LSS: variants seen among roughly 807,000 people sequenced by gnomAD.
LSS encodes lanosterol synthase.
Under a neutral mutation model 110.3 loss-of-function variants are expected in LSS, and 90 were observed. That is an observed-to-expected ratio of 0.82 (90% CI 0.69 to 0.97). The LOEUF is 0.97. Among genes scored for constraint, LSS ranks in the 50% least tolerant of loss-of-function variants. LSS has a pLI of 0.00. For synonymous variants in LSS, 433 were observed against 400.0 expected (o/e 1.08, Z -0.98); for missense variants, 927 against 990.0 (o/e 0.94, Z 0.85).
chr21:46,227,540 G>C lies in LSS; in HGVS notation c.319+12C>G. The C allele has an allele frequency of 6.2e-7, 1 of 1,613,822 alleles. No homozygotes were observed. The highest frequency in any genetic ancestry group is 8.5e-7 in the Non-Finnish European group (1 of 1,179,880). On this transcript the variant is annotated intron_variant, in intron 3 of 21. Transcript: ENST00000397728. ...GTGGCCATACCATCAGGCTGGGGCA[G>C]CATACTCCTACCTGGCAGGAGGAAA...
chr21:46,204,210 G>A (rs1360047643), intron 17 of LSS, among the ~76,000 whole-genome samples: 1 of 152,092 alleles, frequency 6.6e-6, no homozygotes, highest in Non-Finnish European at 1.5e-5. Context: ...CAGGAGAATC[G>A]CTTGAACCCC....
chr21:46,201,621 A>G (rs1332854663), intron 17 of LSS, among the ~76,000 whole-genome samples: 1 of 152,144 alleles, frequency 6.6e-6, no homozygotes, highest in Non-Finnish European at 1.5e-5. Context: ...CACCCACTAA[A>G]GAATTCTAGT....
intron 17 of LSS, among the ~76,000 whole-genome samples, chr21:46,201,085 G>A (rs2079972580): frequency 6.9e-6 from 1 of 143,984 alleles, no homozygotes; most frequent in Non-Finnish European, 1.5e-5. Flanking sequence ...CACGTGGGAG[G>A]ACAGGTCATG....
intron 10 of LSS, 99 bp downstream of exon 10, chr21:46,213,639 T>A: frequency 1.1e-6 from 1 of 881,484 alleles, no homozygotes; most frequent in Non-Finnish European, 1.9e-6. Flanking sequence ...CTGGCAGTAT[T>A]CCCAGATGGC....
chr21:46,212,860 C>T (rs895795035), intron 11 of LSS, among the ~76,000 whole-genome samples, 165 bp downstream of exon 11: 3 of 152,224 alleles, frequency 2.0e-5, no homozygotes, highest in Non-Finnish European at 4.4e-5. Context: ...CAGAGACCAA[C>T]AGCACCCACA....
At position 46,227,558 on chromosome 21, in the gene LSS, G is replaced by A; in HGVS notation, c.313C>T (p.Leu105=). ...TGDYGGPLFL[L]PGLLITCHVA... is the part of the protein sequence containing the mutation. The stretch of plus-strand genomic sequence containing the variant: ...TGGGGCAGCATACTCCTACCTGGCA[G>A]GAGGAAAAGTGGGCCACCATAATCA... The change falls in exon 3 of 22, where the codon CTG becomes TTG. Residue 105 remains leucine (L), a synonymous_variant. Transcript: ENST00000397728. The A allele has an allele frequency of 6.2e-7, 1 of 1,614,028 alleles. No individual in the cohort carries two copies. The highest frequency in any genetic ancestry group is 8.5e-7 in the Non-Finnish European group (1 of 1,180,006).
At chr21:46,213,366 G>C (rs1950334587) in intron 10 of LSS, among the ~76,000 whole-genome samples, 1 of 152,234 alleles carries the variant, frequency 6.6e-6, no homozygotes, top group Non-Finnish European at 1.5e-5. Flanking sequence ...GGCCTGTACA[G>C]CGGAAGCTTC....
In LSS at chr21:46,213,672, G is replaced by A. The variant is rs900979147; in HGVS notation, c.1109+66C>T. 50 of 1,432,106 alleles carry A rather than the reference G, an allele frequency of 3.5e-5. 1 individual carries two copies. The highest frequency in any genetic ancestry group is 3.5e-4 in the Middle Eastern group (2 of 5,794). 88.7% of individuals were successfully genotyped at this position (1,432,106 alleles called of 1,614,324 possible). A position where few individuals can be genotyped will look rare whatever the true frequency, so the allele number is the denominator to read the frequency against. On this transcript the variant is annotated intron_variant, in intron 10 of 21. Transcript: ENST00000397728. ...GGCACCGTGGGGGCCCCCTCACTGG[G>A]ATGCAGCTGGGGCTCAGATCCAGTC...
chr21:46,208,165 G>GC (rs913160652), intron 14 of LSS, 86 bp downstream of exon 14: 20 of 1,274,364 alleles, frequency 1.6e-5, no homozygotes, highest in Non-Finnish European at 1.8e-5. Flanking sequence ...CCAGGGAGGA[G>GC]CCCCCCCTTC....
chr21:46,216,246 GA>G lies in LSS; in HGVS notation c.783+142del. 1 of 969,524 alleles carries G rather than the reference GA, an allele frequency of 1.0e-6. No homozygotes were observed. Among genetic ancestry groups the G allele is most frequent in the Non-Finnish European group, 1.6e-6 (1 of 632,766 alleles). 60.1% of individuals were successfully genotyped at this position (969,524 alleles called of 1,614,324 possible). Reference sequence around the variant, plus strand: ...GCTCACTGTTTATTATAGGATGGAGGAAGGTGGAGGCTCTGCTCCACAGGGC... The same window carrying G: ...GCTCACTGTTTATTATAGGATGGAGGAGGTGGAGGCTCTGCTCCACAGGGC... On this transcript the variant is annotated intron_variant, in intron 7 of 21. Coordinates refer to ENST00000397728, the MANE Select transcript of LSS (RefSeq NM_002340.6). This position sits in a 1 kb window ranked among gnomAD's most constrained non-coding sequence, Gnocchi z 4.2.
chr21:46,195,536 C>G (rs1280108970), intron 19 of LSS, 140 bp downstream of exon 19: 1 of 792,642 alleles, frequency 1.3e-6, no homozygotes, highest in African/African-American at 1.7e-5. Context: ...CATGTCAGCC[C>G]GGTTGACAGA....
chr21:46,216,352 C>T lies in LSS; in HGVS notation c.783+37G>A, dbSNP rs758903733. On this transcript the variant is annotated intron_variant, in intron 7 of 21. Coordinates refer to ENST00000397728, the MANE Select transcript of LSS (RefSeq NM_002340.6). This position sits in a 1 kb window ranked among gnomAD's most constrained non-coding sequence, Gnocchi z 4.2. ...GCCCCAGGCCCTGTGGGTCCCAGCCCCAGAGGCCTTCACTTTGTTCCCTGA... is the reference window on the plus strand; with the variant it reads ...GCCCCAGGCCCTGTGGGTCCCAGCCTCAGAGGCCTTCACTTTGTTCCCTGA... The T allele has an allele frequency of 1.2e-5, 19 of 1,612,714 alleles. No individual in the cohort carries two copies. Among genetic ancestry groups the T allele is most frequent in the Non-Finnish European group, 1.6e-5 (19 of 1,179,888 alleles).
At chr21:46,199,643 G>A (rs563101263) in intron 17 of LSS, among the ~76,000 whole-genome samples, 3 of 152,324 alleles carry the variant, frequency 2.0e-5, no homozygotes, top group Non-Finnish European at 2.9e-5. Flanking sequence ...GGTACATCCA[G>A]ACAATGGAAT....
At chr21:46,217,871 C>T (rs1292720123) in intron 6 of LSS, among the ~76,000 whole-genome samples, 2 of 152,176 alleles carry the variant, frequency 1.3e-5, no homozygotes, top group African/African-American at 2.4e-5. Context: ...CCCCAGGACA[C>T]CTCCCAACCT....
rs1191600700 is a variant in LSS, at chr21:46,191,092, G to A, written c.*12C>T. On this transcript the variant is annotated 3_prime_UTR_variant, in exon 22 of 22. Coordinates refer to ENST00000397728, the MANE Select transcript of LSS (RefSeq NM_002340.6). The stretch of plus-strand genomic sequence containing the variant: ...GGAACGCACAGACGGCACCCAGCAG[G>A]TAGGCATGTTCTCAGGGGTGGCCAG... The A allele has an allele frequency of 3.1e-6, 5 of 1,614,026 alleles. No individual in the cohort carries two copies. Among genetic ancestry groups the A allele is most frequent in the Middle Eastern group, 1.7e-4 (1 of 6,030 alleles).
chr21:46,217,465 TGA>T (rs2080222139), intron 6 of LSS, among the ~76,000 whole-genome samples: 1 of 151,978 alleles, frequency 6.6e-6, no homozygotes, highest in South Asian at 2.1e-4. Context: ...TAAGTGAGGG[TGA>T]GCAATGCTGA....
chr21:46,210,830 G>T, intron 11 of LSS, 86 bp from the exon 12 acceptor site: 2 of 1,314,846 alleles, frequency 1.5e-6, no homozygotes, highest in Non-Finnish European at 2.2e-6. Flanking sequence ...GGCGCCTGAG[G>T]GCCAGGTGTG....
At chr21:46,220,559 T>TGC (rs2080263525) in intron 5 of LSS, 1 of 153,152 alleles carries the variant, frequency 6.5e-6, no homozygotes. Context: ...AGGAGGCCCC[T>TGC]GCGCATGCAG....
chr21:46,215,053 C>A, intron 9 of LSS, 127 bp downstream of exon 9: 1 of 761,352 alleles, frequency 1.3e-6, no homozygotes, highest in Middle Eastern at 3.8e-4. Flanking sequence ...CAGAGGGCCA[C>A]CTCCCAAATG....
Sources: allele counts gnomAD v4.1 joint callset (sites outside exome capture counted in the v4.1 genomes callset), GRCh38; gene constraint gnomAD v4.1.1; non-coding constraint Gnocchi (gnomAD v3.1); transcripts MANE v1.5; gene names NCBI Gene and HGNC (gene_info 2026-07-23, HGNC 2026-07-21).